Variants in HMGCLL1 observed in about 807,000 individuals in gnomAD.
HMGCLL1 encodes 3-hydroxy-3-methylglutaryl-CoA lyase like 1.
A neutral mutation model predicts 39.1 loss-of-function variants in HMGCLL1; 36 were observed. The observed-to-expected ratio is 0.92, with a 90% CI of 0.71 to 1.22. The LOEUF (loss-of-function observed/expected upper bound fraction) is 1.22. Ranked by LOEUF, HMGCLL1 falls within the 50% of genes most tolerant of loss-of-function variation. The probability of loss-of-function intolerance (pLI) is 0.00; values close to 1 mark genes in which losing one functional copy is unlikely to be tolerated. For missense variants in HMGCLL1, 451 were observed against 416.5 expected (o/e 1.08, Z -0.72); for synonymous variants, 149 against 144.0 (o/e 1.03, Z -0.25).
chr6:55,460,694 CA>C (rs1448920590), intron 7 of HMGCLL1, among the ~76,000 whole-genome samples: 1 of 151,840 alleles, frequency 6.6e-6, no homozygotes, highest in Non-Finnish European at 1.5e-5. Flanking sequence ...CTATCCATGG[CA>C]AAACACTTTT....
chr6:55,628,895 C>T, the HMGCLL1 span, among the ~76,000 whole-genome samples: 2 of 152,138 alleles, frequency 1.3e-5, no homozygotes, highest in African/African-American at 4.8e-5. Context: ...GATTGTGTGG[C>T]CTCCTCAGTC....
chr6:55,675,884 CACAAA>C, the HMGCLL1 span, among the ~76,000 whole-genome samples: 9 of 151,968 alleles, frequency 5.9e-5, no homozygotes, highest in Admixed American at 2.0e-4. Flanking sequence ...CTTATTATAA[CACAAA>C]ATAAAATAGG....
chr6:55,668,621 A>G, the HMGCLL1 span, among the ~76,000 whole-genome samples: 1 of 151,810 alleles, frequency 6.6e-6, no homozygotes. Flanking sequence ...GCCTGTGGTG[A>G]GTTTACATTT....
At chr6:55,662,502 T>C in the HMGCLL1 span, among the ~76,000 whole-genome samples, 1 of 151,920 alleles carries the variant, frequency 6.6e-6, no homozygotes, top group Non-Finnish European at 1.5e-5. Context: ...TTGTGTATGT[T>C]GAACTAACCT....
chr6:55,527,791 G>A (rs1362264006), intron 3 of HMGCLL1, among the ~76,000 whole-genome samples: 5 of 151,966 alleles, frequency 3.3e-5, no homozygotes, highest in Non-Finnish European at 5.9e-5. Context: ...AAAAATACCA[G>A]TTTTGGTAAA....
chr6:55,542,687 G>A (rs1014537634), intron 1 of HMGCLL1, among the ~76,000 whole-genome samples: 1 of 151,178 alleles, frequency 6.6e-6, no homozygotes, highest in Admixed American at 6.6e-5. Flanking sequence ...GCTGAGGTAG[G>A]AGAATCACTT....
chr6:55,638,417 A>G, the HMGCLL1 span, among the ~76,000 whole-genome samples: 7 of 152,138 alleles, frequency 4.6e-5, no homozygotes, highest in Admixed American at 1.3e-4. Context: ...CAAAAAAAAA[A>G]AAAAAATGGA....
At chr6:55,539,914 GAAA>G (rs1769263151) in intron 3 of HMGCLL1, among the ~76,000 whole-genome samples, 1 of 128,814 alleles carries the variant, frequency 7.8e-6, no homozygotes, top group Non-Finnish European at 1.7e-5. Flanking sequence ...AAGAAAGAAA[GAAA>G]GAAAAGGAGG....
chr6:55,538,580 T>C (rs1391845815), intron 3 of HMGCLL1, among the ~76,000 whole-genome samples: 1 of 152,130 alleles, frequency 6.6e-6, no homozygotes, highest in Non-Finnish European at 1.5e-5. Context: ...AAAAATAGTT[T>C]TGTGACCTTC....
chr6:55,595,117 T>C, the HMGCLL1 span, among the ~76,000 whole-genome samples: 1 of 152,214 alleles, frequency 6.6e-6, no homozygotes, highest in Admixed American at 6.5e-5. Context: ...TGAAAATGAA[T>C]TTTTAAGTAT....
chr6:55,596,192 C>T, the HMGCLL1 span, among the ~76,000 whole-genome samples: 3 of 152,032 alleles, frequency 2.0e-5, no homozygotes, highest in East Asian at 3.9e-4. Context: ...CCGGATGTGG[C>T]GGTGTGCACC....
chr6:55,466,536 A>G (rs1336225554), intron 7 of HMGCLL1, among the ~76,000 whole-genome samples: 1 of 152,102 alleles, frequency 6.6e-6, no homozygotes, highest in Admixed American at 6.6e-5. Context: ...ATGTCTCTAC[A>G]TGACAACATT....
At chr6:55,459,634 A>T (rs1764472980) in intron 7 of HMGCLL1, among the ~76,000 whole-genome samples, 1 of 152,100 alleles carries the variant, frequency 6.6e-6, no homozygotes, top group Non-Finnish European at 1.5e-5. Flanking sequence ...ATTTATTAAA[A>T]TGTATTTGTG....
the HMGCLL1 span, among the ~76,000 whole-genome samples, chr6:55,597,318 T>C: frequency 1.3e-5 from 2 of 152,090 alleles, no homozygotes; most frequent in East Asian, 3.9e-4. Context: ...GAGAATTCTC[T>C]TTTCATCATA....
At chr6:55,558,280 G>A (rs1410770024) in intron 1 of HMGCLL1, among the ~76,000 whole-genome samples, 1 of 152,144 alleles carries the variant, frequency 6.6e-6, no homozygotes, top group African/African-American at 2.4e-5. Context: ...CTTAAAATGA[G>A]GGCCATTAAA....
At chr6:55,502,636 A>T (rs567980327) in intron 5 of HMGCLL1, among the ~76,000 whole-genome samples, 43 of 151,260 alleles carry the variant, frequency 2.8e-4, no homozygotes, top group Admixed American at 1.4e-3. Context: ...TCACTTTTGT[A>T]TTTTAATGAA....
chr6:55,464,736 T>G (rs2127398881), intron 7 of HMGCLL1, among the ~76,000 whole-genome samples: 1 of 152,224 alleles, frequency 6.6e-6, no homozygotes, highest in Middle Eastern at 3.4e-3. Flanking sequence ...TGGAATTACG[T>G]GTTTGCTACT....
At chr6:55,559,848 T>G (rs1770853484) in intron 1 of HMGCLL1, among the ~76,000 whole-genome samples, 1 of 152,148 alleles carries the variant, frequency 6.6e-6, no homozygotes, top group African/African-American at 2.4e-5. Flanking sequence ...TCTCTGTAAT[T>G]TCTCACTTTT....
the HMGCLL1 span, among the ~76,000 whole-genome samples, chr6:55,645,549 T>C: frequency 6.6e-6 from 1 of 151,994 alleles, no homozygotes; most frequent in African/African-American, 2.4e-5. Flanking sequence ...CAAATATGCC[T>C]TTTACTATGC....
Sources: gnomAD v4.1 joint callset for allele counts (sites outside exome capture counted in the v4.1 genomes callset) on GRCh38, gnomAD v4.1.1 for gene constraint, MANE v1.5 for transcripts, NCBI Gene and HGNC (gene_info 2026-07-23, HGNC 2026-07-21) for gene names.